GPSM1: variants seen among roughly 807,000 people sequenced by gnomAD.
GPSM1 encodes G protein signaling modulator 1, also known as G protein-signaling modulator 1.
GPSM1 carries 48 observed loss-of-function variants against 70.5 expected under a neutral mutation model. That is an observed-to-expected ratio of 0.68 (90% CI 0.54 to 0.87). The LOEUF (loss-of-function observed/expected upper bound fraction) is 0.87. Among genes scored for constraint, GPSM1 ranks in the 40% least tolerant of loss-of-function variants. The pLI, the probability that GPSM1 is intolerant of heterozygous loss-of-function variation, is 0.00. For missense variants in GPSM1, 981 were observed against 972.6 expected (o/e 1.01, Z -0.11); for synonymous variants, 416 against 430.1 (o/e 0.97, Z 0.41).
Position 136,356,421 on chromosome 9 carries a change from C to T in GPSM1, c.1692C>T (p.Asp564=), listed in dbSNP as rs377665126. ...LIASSQSRRL[D]DQRASVGSLP... ...CCAGCTCCCAGAGCCGCCGGCTGGA[C>T]GACCAGCGGGCCAGCGTGGGCAGCC... Residue 564 remains aspartate (D), a synonymous_variant, in exon 13 of 14, where the codon GAC becomes GAT. Transcript: ENST00000440944. 30 of 1,610,328 alleles carry T rather than the reference C, an allele frequency of 1.9e-5. No individual in the cohort carries two copies. The highest frequency in any genetic ancestry group is 6.7e-5 in the East Asian group (3 of 44,818).
chr9:136,348,586 G>A (rs1832581608), intron 9 of GPSM1, 111 bp from the exon 10 acceptor site: 1 of 726,618 alleles, frequency 1.4e-6, no homozygotes, highest in Non-Finnish European at 2.3e-6. Flanking sequence ...GGGGCTGGCT[G>A]TCAGAAAGCC....
chr9:136,342,355 C>G lies in GPSM1; in HGVS notation c.1207+1362C>G, dbSNP rs558434603. 7.2e-5 allele frequency among the ~76,000 whole-genome samples: 11 copies of G among 152,296 alleles called. No individual in the cohort carries two copies. In the South Asian group the frequency reaches 1.9e-3, roughly 26 times the overall value. ...AGGCTGCGGCTCTGGGTCCTCCCGA[C>G]GTTTTCTTTCTTGGAGCCAAGGAAA... is the stretch of plus-strand genomic sequence containing the variant. On this transcript the variant is annotated intron_variant, in intron 9 of 13. Coordinates refer to ENST00000440944, the MANE Select transcript of GPSM1 (RefSeq NM_001145638.3). This position sits in a 1 kb window ranked among gnomAD's most constrained non-coding sequence, Gnocchi z 5.5.
Position 136,340,855 on chromosome 9 carries a change from C to A in GPSM1, c.1084-15C>A. 1.3e-6 allele frequency: 2 copies of A among 1,559,018 alleles called. No homozygotes were observed. The highest frequency in any genetic ancestry group is 1.7e-6 in the Non-Finnish European group (2 of 1,155,238). On this transcript the variant is annotated splice_polypyrimidine_tract_variant and intron_variant, in intron 8 of 13. Coordinates refer to ENST00000440944, the MANE Select transcript of GPSM1 (RefSeq NM_001145638.3). The surrounding 1 kb of genome is among the most constrained non-coding windows in gnomAD (Gnocchi z 7.3). ...CCAGCCACACCTGCCCGCTCCGCCA[C>A]CCCACTCGCCGCAGATCGGGGACCG...
At chr9:136,348,952 G>A (rs568676256) in intron 10 of GPSM1, among the ~76,000 whole-genome samples, 185 bp downstream of exon 10, 1 of 152,358 alleles carries the variant, frequency 6.6e-6, no homozygotes, top group South Asian at 2.1e-4. Context: ...CTCAGCGTCT[G>A]GCCAGCTGTG....
chr9:136,354,693 T>C (rs1275758470), intron 11 of GPSM1: 1 of 412,030 alleles, frequency 2.4e-6, no homozygotes, highest in Non-Finnish European at 3.3e-6. Context: ...GCTGGGCCCC[T>C]TGGGGGGCCA....
intron 11 of GPSM1, among the ~76,000 whole-genome samples, chr9:136,352,668 G>A (rs1469748597): frequency 6.6e-6 from 1 of 152,226 alleles, no homozygotes; most frequent in Non-Finnish European, 1.5e-5. Flanking sequence ...GATGAGGACA[G>A]CAACCCGCCC....
intron 11 of GPSM1, among the ~76,000 whole-genome samples, chr9:136,354,578 C>T (rs1304095225): frequency 2.0e-5 from 3 of 152,228 alleles, no homozygotes; most frequent in East Asian, 1.9e-4. Context: ...GGGCTGCCAG[C>T]GCCGGTCGGG....
intron 7 of GPSM1, 26 bp downstream of exon 7, chr9:136,338,736 A>AGACCC: frequency 6.5e-7 from 1 of 1,527,292 alleles, no homozygotes; most frequent in Non-Finnish European, 8.8e-7. Flanking sequence ...CGCGGCGGGC[A>AGACCC]GACCCGGCCC....
intron 9 of GPSM1, among the ~76,000 whole-genome samples, chr9:136,348,169 C>T (rs968810055): frequency 6.6e-6 from 1 of 152,222 alleles, no homozygotes; most frequent in Non-Finnish European, 1.5e-5. Flanking sequence ...GAAGGTCCCA[C>T]GGCAGAGCTG....
intron 1 of GPSM1, among the ~76,000 whole-genome samples, chr9:136,329,054 C>T (rs955775186): frequency 6.6e-6 from 1 of 152,130 alleles, no homozygotes; most frequent in African/African-American, 2.4e-5. Flanking sequence ...GTGAGGCCTG[C>T]ACAGCTGACC....
intron 9 of GPSM1, 117 bp from the exon 10 acceptor site, chr9:136,348,580 C>A: frequency 1.5e-6 from 1 of 675,728 alleles, no homozygotes; most frequent in Non-Finnish European, 2.5e-6. Context: ...ACAAGGGGGG[C>A]TGGCTGTCAG....
rs782704421 is a variant in GPSM1, at chr9:136,336,961, A to C, written c.467A>C (p.Tyr156Ser). 35 of 1,557,252 alleles carry C rather than the reference A, an allele frequency of 2.2e-5. No homozygotes were observed. Among genetic ancestry groups the C allele is most frequent in the Non-Finnish European group, 3.0e-5 (34 of 1,151,120 alleles). ...GCCCTCTACAACATCGGGAACGTGT[A>C]CCACGCCAAAGGCAAGCAACTGTCC... Reference protein sequence around the residue: ...ARALYNIGNVYHAKGKQLSWN... With the variant: ...ARALYNIGNVSHAKGKQLSWN... The change falls in exon 4 of 14, where the codon TAC (tyrosine) becomes TCC (serine). Residue 156 changes from tyrosine (Y) to serine (S), a missense_variant. Coordinates refer to ENST00000440944, the MANE Select transcript of GPSM1 (RefSeq NM_001145638.3).
chr9:136,340,963 A>G lies in GPSM1; in HGVS notation c.1177A>G (p.Lys393Glu), dbSNP rs1554770145. The G allele has an allele frequency of 6.4e-7, 1 of 1,563,538 alleles. No individual in the cohort carries two copies. Among genetic ancestry groups the G allele is most frequent in the Non-Finnish European group, 8.7e-7 (1 of 1,154,616 alleles). Reference protein sequence around the residue: ...GRLTSPAASEKPDLAGYEAQG... With the variant: ...GRLTSPAASEEPDLAGYEAQG... ...CCTGACCAGCCCGGCAGCCTCAGAGAAGCCTGACCTGGCCGGCTATGAGGC... is the reference window on the plus strand; with the variant it reads ...CCTGACCAGCCCGGCAGCCTCAGAGGAGCCTGACCTGGCCGGCTATGAGGC... Residue 393 changes from lysine (K) to glutamate (E), a missense_variant, in exon 9 of 14, where the codon AAG becomes GAG. Lys to Glu is a moderately conservative substitution (Grantham distance 56, BLOSUM62 1). Coordinates refer to ENST00000440944, the MANE Select transcript of GPSM1 (RefSeq NM_001145638.3). This position sits in a 1 kb window ranked among gnomAD's most constrained non-coding sequence, Gnocchi z 7.3.
At position 136,335,962 on chromosome 9, in the gene GPSM1, C is replaced by T. The variant is rs782315092; in HGVS notation, c.291-4C>T. 4 of 1,612,146 alleles carry T rather than the reference C, an allele frequency of 2.5e-6. No homozygotes were observed. In the Admixed American group the frequency reaches 6.7e-5, roughly 27 times the overall value. Reference sequence around the variant, plus strand: ...CTGACCCCTCACTCCTCCCTGCCATCCAGGACCATCGGTGACCGCATGGGG... The same window carrying T: ...CTGACCCCTCACTCCTCCCTGCCATTCAGGACCATCGGTGACCGCATGGGG... On this transcript the variant is annotated splice_polypyrimidine_tract_variant and splice_region_variant and intron_variant, in intron 2 of 13. Coordinates refer to ENST00000440944, the MANE Select transcript of GPSM1 (RefSeq NM_001145638.3).
intron 1 of GPSM1, among the ~76,000 whole-genome samples, chr9:136,333,331 C>A (rs1373112440): frequency 6.6e-6 from 1 of 152,134 alleles, no homozygotes; most frequent in Non-Finnish European, 1.5e-5. Context: ...AGCCTGAGGC[C>A]CATGTGACCT....
At position 136,356,622 on chromosome 9, in the gene GPSM1, C is replaced by T. The variant is rs1040538094; in HGVS notation, c.1821+72C>T. 12 of 1,155,964 alleles carry T rather than the reference C, an allele frequency of 1.0e-5. No homozygotes were observed. The African/African-American group carries it at 1.4e-4, about 13-fold the overall frequency. The allele number at this position is 1,155,964 out of a possible 1,614,324, so 71.6% of individuals were successfully genotyped here. ...CCACGTGTGTGGAGGCAACTTGTGT[C>T]CTGAGGGGTGAGGTGGGCGCTGGTT... On this transcript the variant is annotated intron_variant, in intron 13 of 13. Coordinates refer to ENST00000440944, the MANE Select transcript of GPSM1 (RefSeq NM_001145638.3).
At chr9:136,349,898 C>G in intron 11 of GPSM1, 135 bp downstream of exon 11, 1 of 791,174 alleles carries the variant, frequency 1.3e-6, no homozygotes, top group Non-Finnish European at 2.0e-6. Context: ...CCCGGTGCAC[C>G]TGGTGCAGTG....
rs977665589 is a variant in GPSM1, at chr9:136,339,585, T to G, written c.975-122T>G. ...TCATCCGGCCAATGCCCCTTGGGCC[T>G]GGGGGCCCCTGATGACCCTCGAAGC... On this transcript the variant is annotated intron_variant, in intron 7 of 13. Transcript: ENST00000440944. The G allele has an allele frequency of 1.2e-5, 8 of 670,798 alleles. No homozygotes were observed. In the African/African-American group the frequency reaches 1.4e-4, roughly 12 times the overall value. The allele number at this position is 670,798 out of a possible 1,614,324, so 41.6% of individuals were successfully genotyped here.
Position 136,338,703 on chromosome 9 carries a change from G to T in GPSM1, c.967G>T (p.Ala323Ser). ...GCACCTGCTCATTGCCCAGGAGCTG[G>T]CCGACAGGTGCGTGGGCGCGGACGC... ...LRHLLIAQEL[A>S]DRVGEGRACW... Residue 323 changes from alanine (A) to serine (S), a missense_variant, in exon 7 of 14, where the codon GCC becomes TCC. By Grantham distance (99) the Ala-to-Ser change is moderately conservative (BLOSUM62 1). Coordinates refer to ENST00000440944, the MANE Select transcript of GPSM1 (RefSeq NM_001145638.3). 1.3e-6 allele frequency: 2 copies of T among 1,554,552 alleles called. No individual in the cohort carries two copies. Among genetic ancestry groups the T allele is most frequent in the South Asian group, 1.2e-5 (1 of 84,696 alleles).
Sources: gnomAD v4.1 joint callset for allele counts (sites outside exome capture counted in the v4.1 genomes callset) on GRCh38, gnomAD v4.1.1 for gene constraint, Gnocchi (gnomAD v3.1) non-coding constraint, MANE v1.5 for transcripts, NCBI Gene and HGNC (gene_info 2026-07-23, HGNC 2026-07-21) for gene names.